The following BCL2 variants were observed in gnomAD, a reference collection of about 807,000 sequenced individuals.
BCL2 encodes the protein apoptosis regulator Bcl-2.
Under a neutral mutation model 14.2 loss-of-function variants are expected in BCL2, and 1 was observed. The observed-to-expected ratio is 0.07, with a 90% CI of 0.02 to 0.33. The LOEUF is 0.33. Ranked by LOEUF, BCL2 falls within the 10% of genes least tolerant of loss-of-function variation. The pLI is 0.99. For synonymous variants in BCL2, 151 were observed against 137.2 expected (o/e 1.10, Z -0.70); for missense variants, 247 against 305.9 (o/e 0.81, Z 1.44).
In BCL2 at chr18:63,318,013, C is replaced by G; in HGVS notation, c.585+69G>C. 1 of 1,565,040 alleles carries G rather than the reference C, an allele frequency of 6.4e-7. No homozygotes were observed. On this transcript the variant is annotated intron_variant, in intron 2 of 2. Transcript: ENST00000333681. This position sits in a 1 kb window ranked among gnomAD's most constrained non-coding sequence, Gnocchi z 7.4. ...AGCCTCCCATTGCCCCAGGAGCCCACCCGCACTCCAACCCCCGCATCTCGG... is the reference window on the plus strand; with the variant it reads ...AGCCTCCCATTGCCCCAGGAGCCCAGCCGCACTCCAACCCCCGCATCTCGG...
intron 2 of BCL2, among the ~76,000 whole-genome samples, chr18:63,285,873 A>G (rs1912457506): frequency 6.6e-6 from 1 of 152,218 alleles, no homozygotes; most frequent in South Asian, 2.1e-4. Context: ...GGCAACTTAA[A>G]TTTGACAGCA....
intron 2 of BCL2, among the ~76,000 whole-genome samples, chr18:63,292,350 T>C (rs547069562): frequency 1.3e-5 from 2 of 152,250 alleles, no homozygotes; most frequent in South Asian, 4.1e-4. Flanking sequence ...TAATGATTAA[T>C]AACAAGTGTC....
intron 2 of BCL2, among the ~76,000 whole-genome samples, chr18:63,280,063 T>C (rs554090347): frequency 3.8e-4 from 58 of 152,372 alleles, no homozygotes; most frequent in Non-Finnish European, 8.8e-5. Flanking sequence ...AATAGCCCAA[T>C]GGGATATACA....
intron 2 of BCL2, among the ~76,000 whole-genome samples, chr18:63,216,513 T>A (rs976963490): frequency 2.0e-5 from 3 of 152,046 alleles, no homozygotes; most frequent in African/African-American, 7.2e-5. Context: ...CAACCAAATG[T>A]CAAAGCTGGT....
chr18:63,170,223 A>T (rs545185361), intron 2 of BCL2, among the ~76,000 whole-genome samples: 6 of 152,262 alleles, frequency 3.9e-5, no homozygotes, highest in African/African-American at 1.4e-4. Context: ...ACATGCTTAA[A>T]ACAGTGACGG....
At chr18:63,181,671 T>C (rs1297142469) in intron 2 of BCL2, among the ~76,000 whole-genome samples, 1 of 152,226 alleles carries the variant, frequency 6.6e-6, no homozygotes, top group Non-Finnish European at 1.5e-5. Flanking sequence ...CCTTGCAGAA[T>C]GTCAGACATG....
chr18:63,288,333 T>C (rs1413420194), intron 2 of BCL2, among the ~76,000 whole-genome samples: 1 of 152,176 alleles, frequency 6.6e-6, no homozygotes, highest in Non-Finnish European at 1.5e-5. Context: ...ATTAACATAC[T>C]TGCCACGAAC....
At chr18:63,280,376 T>C (rs1912276160) in intron 2 of BCL2, among the ~76,000 whole-genome samples, 1 of 152,234 alleles carries the variant, frequency 6.6e-6, no homozygotes, top group South Asian at 2.1e-4. Flanking sequence ...AAGCACCTAG[T>C]AGAACATCTG....
At chr18:63,138,677 C>T (rs1321395742) in intron 2 of BCL2, among the ~76,000 whole-genome samples, 1 of 152,178 alleles carries the variant, frequency 6.6e-6, no homozygotes, top group African/African-American at 2.4e-5. Flanking sequence ...GGGGGAGGGG[C>T]TGGTTGAAAC....
chr18:63,233,854 A>G (rs1226223057), intron 2 of BCL2, among the ~76,000 whole-genome samples: 1 of 152,238 alleles, frequency 6.6e-6, no homozygotes, highest in Non-Finnish European at 1.5e-5. Flanking sequence ...TTGGGGTCAC[A>G]AAAGAGGCTT....
intron 2 of BCL2, among the ~76,000 whole-genome samples, chr18:63,313,310 A>AT (rs1033021933): frequency 4.6e-5 from 7 of 152,200 alleles, no homozygotes; most frequent in African/African-American, 1.7e-4. Flanking sequence ...TCCTTGGATG[A>AT]TTTTCATCAT....
intron 2 of BCL2, among the ~76,000 whole-genome samples, chr18:63,183,313 A>G (rs754269781): frequency 1.7e-4 from 26 of 152,144 alleles, no homozygotes; most frequent in Non-Finnish European, 3.1e-4. Flanking sequence ...CTGCTCCTCT[A>G]TTGCTCCAGG....
intron 2 of BCL2, among the ~76,000 whole-genome samples, chr18:63,275,204 C>T (rs550827662): frequency 2.6e-5 from 4 of 150,986 alleles, no homozygotes; most frequent in Non-Finnish European, 5.9e-5. Flanking sequence ...TGCACCACTC[C>T]AGCCTGGGTG....
intron 2 of BCL2, among the ~76,000 whole-genome samples, chr18:63,222,298 AAAAGAAAG>A (rs1374009797): frequency 6.6e-6 from 1 of 151,554 alleles, no homozygotes; most frequent in South Asian, 2.1e-4. Flanking sequence ...AGAAAAAGAA[AAAAGAAAG>A]AAAGAAAGAA....
chr18:63,221,599 G>A (rs999411126), intron 2 of BCL2, among the ~76,000 whole-genome samples: 2 of 152,192 alleles, frequency 1.3e-5, no homozygotes, highest in Non-Finnish European at 2.9e-5. Context: ...AGATTCTAAT[G>A]CCCATGCAGG....
intron 2 of BCL2, among the ~76,000 whole-genome samples, chr18:63,240,840 T>A (rs939358762): frequency 1.3e-5 from 2 of 152,252 alleles, no homozygotes; most frequent in African/African-American, 4.8e-5. Flanking sequence ...TGTTACATTA[T>A]AAGCTCTTGG....
chr18:63,282,803 TAATAGCAC>T (rs1912353398), intron 2 of BCL2, among the ~76,000 whole-genome samples: 1 of 152,220 alleles, frequency 6.6e-6, no homozygotes, highest in Non-Finnish European at 1.5e-5. Context: ...ATATATATCA[TAATAGCAC>T]AAGTTGAATG....
intron 2 of BCL2, among the ~76,000 whole-genome samples, chr18:63,133,933 G>T (rs2144590123): frequency 1.3e-5 from 2 of 152,290 alleles, no homozygotes; most frequent in South Asian, 4.1e-4. Flanking sequence ...CCACATGATG[G>T]AGTGCTGTTC....
intron 2 of BCL2, among the ~76,000 whole-genome samples, chr18:63,257,348 A>G (rs981427925): frequency 2.6e-5 from 4 of 152,250 alleles, no homozygotes; most frequent in African/African-American, 7.2e-5. Flanking sequence ...CAGTTTCCCA[A>G]TTCAGAGCAA....
Sources: gnomAD v4.1 joint callset for allele counts (sites outside exome capture counted in the v4.1 genomes callset) on GRCh38, gnomAD v4.1.1 for gene constraint, Gnocchi (gnomAD v3.1) non-coding constraint, MANE v1.5 for transcripts, NCBI Gene and HGNC (gene_info 2026-07-23, HGNC 2026-07-21) for gene names.